Variants in CCDC171 observed in about 807,000 individuals in gnomAD.
CCDC171 encodes the protein coiled-coil domain containing 171.
A neutral mutation model predicts 168.2 loss-of-function variants in CCDC171; 177 were observed. That is an observed-to-expected ratio of 1.05 (90% CI 0.93 to 1.19). The LOEUF is 1.19. CCDC171 is among the 50% of genes most tolerant of loss of function. CCDC171 has a pLI of 0.00. For missense variants in CCDC171, 1,991 were observed against 1,539.0 expected (o/e 1.29, Z -4.91); for synonymous variants, 687 against 540.8 (o/e 1.27, Z -3.75).
chr9:15,790,655 A>T (rs1169341391), intron 21 of CCDC171, among the ~76,000 whole-genome samples: 9 of 152,226 alleles, frequency 5.9e-5, no homozygotes, highest in Non-Finnish European at 8.8e-5. Flanking sequence ...GGTGTTTTAG[A>T]CATGAAGTCC....
intron 10 of CCDC171, among the ~76,000 whole-genome samples, chr9:15,684,181 T>C (rs1177439219): frequency 6.6e-6 from 1 of 152,162 alleles, no homozygotes; most frequent in Admixed American, 6.6e-5. Flanking sequence ...TTATAGGCTT[T>C]GATGCTTCCT....
the CCDC171 span, among the ~76,000 whole-genome samples, chr9:16,089,610 C>T: frequency 4.0e-5 from 6 of 151,846 alleles, no homozygotes; most frequent in Admixed American, 6.6e-5. Flanking sequence ...AGCCAGTTTT[C>T]CCAACACCAT....
chr9:15,631,034 A>C (rs2045640022), intron 7 of CCDC171, among the ~76,000 whole-genome samples: 1 of 152,140 alleles, frequency 6.6e-6, no homozygotes, highest in Admixed American at 6.5e-5. Context: ...GTGTAGAGGG[A>C]AATTTATAGC....
chr9:15,661,564 A>G (rs1015077544), intron 8 of CCDC171, among the ~76,000 whole-genome samples: 8 of 152,244 alleles, frequency 5.3e-5, no homozygotes, highest in African/African-American at 9.6e-5. Flanking sequence ...AGTATTTTCA[A>G]TGAGGTACAT....
chr9:16,067,031 T>G, the CCDC171 span, among the ~76,000 whole-genome samples: 2 of 152,058 alleles, frequency 1.3e-5, no homozygotes, highest in Non-Finnish European at 2.9e-5. Flanking sequence ...CCTGAGGAAT[T>G]GCCACACTGA....
intron 24 of CCDC171, among the ~76,000 whole-genome samples, chr9:15,879,618 A>G (rs1818343828): frequency 6.6e-6 from 1 of 152,156 alleles, no homozygotes; most frequent in African/African-American, 2.4e-5. Context: ...AAACCTAATA[A>G]CATATCTTTC....
At chr9:15,671,261 AT>A (rs1259429407) in intron 9 of CCDC171, among the ~76,000 whole-genome samples, 1 of 152,034 alleles carries the variant, frequency 6.6e-6, no homozygotes, top group Admixed American at 6.6e-5. Flanking sequence ...CAGAGACGCT[AT>A]CATTTTAAAT....
intron 11 of CCDC171, among the ~76,000 whole-genome samples, chr9:15,697,527 A>T (rs1237537145): frequency 5.3e-5 from 8 of 152,190 alleles, no homozygotes. Context: ...CTGTGCCTTT[A>T]TAATGGACTC....
At chr9:15,628,621 C>A (rs1255986429) in intron 7 of CCDC171, among the ~76,000 whole-genome samples, 1 of 152,226 alleles carries the variant, frequency 6.6e-6, no homozygotes, top group Admixed American at 6.5e-5. Flanking sequence ...AACAAAAAGA[C>A]AGCAGTAACC....
intron 6 of CCDC171, among the ~76,000 whole-genome samples, chr9:16,031,328 A>T (rs1833361108): frequency 6.6e-6 from 1 of 152,190 alleles, no homozygotes; most frequent in Admixed American, 6.5e-5. Context: ...AGCATAGGAA[A>T]TTTTTAGTGA....
intron 7 of CCDC171, among the ~76,000 whole-genome samples, chr9:15,655,799 A>C (rs1235863061): frequency 2.0e-5 from 3 of 152,256 alleles, no homozygotes; most frequent in African/African-American, 7.2e-5. Flanking sequence ...AAATAGGTAC[A>C]TGAAAAGATG....
At chr9:15,989,093 CA>C (rs1478701405) in intron 3 of CCDC171, among the ~76,000 whole-genome samples, 1 of 152,148 alleles carries the variant, frequency 6.6e-6, no homozygotes, top group East Asian at 1.9e-4. Flanking sequence ...GTTCTCCCAG[CA>C]TGGAGTTTGA....
intron 15 of CCDC171, among the ~76,000 whole-genome samples, chr9:15,729,095 A>T (rs1032749588): frequency 6.6e-6 from 1 of 152,160 alleles, no homozygotes; most frequent in African/African-American, 2.4e-5. Context: ...ACCCTATGAG[A>T]TGGTATTATA....
chr9:15,648,208 TA>T (rs1357211890), intron 7 of CCDC171, among the ~76,000 whole-genome samples: 1 of 152,198 alleles, frequency 6.6e-6, no homozygotes, highest in Non-Finnish European at 1.5e-5. Context: ...CCCTTCATGC[TA>T]AAAACTCTCA....
intron 24 of CCDC171, chr9:15,885,997 T>G (rs1819343893): frequency 6.6e-6 from 1 of 152,198 alleles, no homozygotes; most frequent in Non-Finnish European, 1.5e-5. Flanking sequence ...ACAGAGATCC[T>G]AATTCTTTTC....
intron 9 of CCDC171, among the ~76,000 whole-genome samples, chr9:15,678,322 A>G (rs1334461358): frequency 1.6e-4 from 24 of 152,118 alleles, no homozygotes; most frequent in Non-Finnish European, 2.9e-5. Context: ...TTTCCATGCC[A>G]CCACACTGGT....
intron 25 of CCDC171, among the ~76,000 whole-genome samples, chr9:15,956,469 C>T (rs944507959): frequency 1.3e-5 from 2 of 152,136 alleles, no homozygotes; most frequent in Non-Finnish European, 2.9e-5. Flanking sequence ...GCCTCTTTAT[C>T]ACACAGCTTT....
intron 7 of CCDC171, among the ~76,000 whole-genome samples, chr9:15,646,559 C>G (rs1006673093): frequency 2.6e-5 from 4 of 152,056 alleles, no homozygotes; most frequent in African/African-American, 9.7e-5. Flanking sequence ...GGAGGAAGAT[C>G]TACCAAGAAA....
chr9:15,914,474 A>C (rs3008695), intron 24 of CCDC171, among the ~76,000 whole-genome samples: 113,552 of 151,992 alleles, frequency 0.75, 44,016 homozygotes, highest in East Asian at 0.86. Flanking sequence ...CTCAAGCCTC[A>C]GTAATGGTGG....
Sources: allele counts gnomAD v4.1 joint callset (sites outside exome capture counted in the v4.1 genomes callset), GRCh38; gene constraint gnomAD v4.1.1; transcripts MANE v1.5; gene names NCBI Gene and HGNC (gene_info 2026-07-23, HGNC 2026-07-21).